BICDL1: variants seen among roughly 807,000 people sequenced by gnomAD.
The protein encoded by BICDL1 is BICD family like cargo adaptor 1, also known as BICD family-like cargo adapter 1.
A neutral mutation model predicts 76.8 loss-of-function variants in BICDL1; 20 were observed. That is an observed-to-expected ratio of 0.26 (90% CI 0.18 to 0.38). BICDL1 has a LOEUF of 0.38. BICDL1 is among the 10% of genes least tolerant of loss of function. BICDL1 has a pLI of 1.00. For missense variants in BICDL1, 700 were observed against 798.6 expected, an observed-to-expected ratio of 0.88 and a Z score of 1.49; for synonymous variants, 383 against 337.1, an observed-to-expected ratio of 1.14 and a Z score of -1.49.
intron 3 of BICDL1, among the ~76,000 whole-genome samples, chr12:120,062,696 G>A (rs780072669): frequency 6.6e-6 from 1 of 152,114 alleles, no homozygotes; most frequent in Non-Finnish European, 1.5e-5. Flanking sequence ...CTTTTCTCCT[G>A]CCTCCTATTC....
At chr12:120,083,079 T>C (rs916908780) in intron 8 of BICDL1, among the ~76,000 whole-genome samples, 1 of 151,680 alleles carries the variant, frequency 6.6e-6, no homozygotes, top group African/African-American at 2.4e-5. Flanking sequence ...GCCAGGCTAC[T>C]CTCGAACTCC....
chr12:120,066,241 A>G (rs1326378840), intron 4 of BICDL1, among the ~76,000 whole-genome samples: 2 of 152,196 alleles, frequency 1.3e-5, no homozygotes, highest in Admixed American at 1.3e-4. Context: ...GCTCAGTGAT[A>G]ACTTCTTGGT....
intron 2 of BICDL1, among the ~76,000 whole-genome samples, chr12:120,001,762 A>G (rs60590470): frequency 0.056 from 8,484 of 150,636 alleles, 471 homozygotes; most frequent in African/African-American, 0.14. Context: ...AAAGGGTACA[A>G]TTTGGGGCTT....
intron 2 of BICDL1, among the ~76,000 whole-genome samples, chr12:120,047,991 T>TA (rs899837141): frequency 9.9e-5 from 15 of 151,994 alleles, no homozygotes; most frequent in South Asian, 6.2e-4. Flanking sequence ...AAAAATAAAA[T>TA]AAAAAAAACA....
Position 120,094,234 on chromosome 12 carries a change from G to A in BICDL1, c.*1073G>A, listed in dbSNP as rs1433672039. The A allele has an allele frequency of 4.4e-6, 2 of 456,644 alleles. No individual in the cohort carries two copies. The highest frequency in any genetic ancestry group is 8.8e-6 in the Non-Finnish European group (2 of 226,976). 28.3% of individuals were successfully genotyped at this position (456,644 alleles called of 1,614,324 possible). On this transcript the variant is annotated 3_prime_UTR_variant, in exon 10 of 10. Transcript: ENST00000548673. ...ACTCAGAGGCTCCGCGGCCCGGCCA[G>A]CCCTCAGCTGCTCACAACCGATTCA...
At chr12:120,081,371 G>GTTTT (rs1873974789) in intron 8 of BICDL1, among the ~76,000 whole-genome samples, 8 of 104,168 alleles carry the variant, frequency 7.7e-5, no homozygotes, top group South Asian at 3.3e-4. Flanking sequence ...TTTTTTTTGA[G>GTTTT]ACGGAGTTTT....
intron 2 of BICDL1, among the ~76,000 whole-genome samples, chr12:120,044,713 T>G (rs1437306038): frequency 5.9e-5 from 9 of 152,118 alleles, no homozygotes; most frequent in African/African-American, 2.2e-4. Context: ...GATCAGATAG[T>G]TGTAGATATG....
chr12:120,022,410 A>T (rs985843881), intron 2 of BICDL1, among the ~76,000 whole-genome samples: 75 of 146,936 alleles, frequency 5.1e-4, no homozygotes, highest in Non-Finnish European at 9.0e-4. Context: ...AAAAATATAT[A>T]TTTATATATA....
rs186265270 is a variant in BICDL1 at position 120,086,884 on chromosome 12, G to C, written c.1584-3067G>C. On this transcript the variant is annotated intron_variant, in intron 8 of 9. Transcript: ENST00000548673. ...TTCCTTGGTGAGCAAATGTCCCAAC[G>C]GTGCAGCGCGTGGCCAGGATTGGAG... Among the ~76,000 whole-genome samples the C allele has an allele frequency of 7.0e-4, 106 of 152,334 alleles. 1 individual carries two copies. Among genetic ancestry groups the C allele is most frequent in the Non-Finnish European group, 1.2e-3 (81 of 68,022 alleles).
Position 120,072,672 on chromosome 12 carries a change from T to C in BICDL1, c.1251T>C (p.Thr417=), listed in dbSNP as rs1261724397. Residue 417 remains threonine, a synonymous_variant, in exon 6 of 10, where the codon ACT becomes ACC. Transcript: ENST00000548673. ...AKDVPAGSLR[T]ALNELKRLIQ... ...ATGTGCCAGCCGGCAGCTTGCGCACTGCCCTCAATGAGCTCAAGAGACTGA... is the reference window on the plus strand; with the variant it reads ...ATGTGCCAGCCGGCAGCTTGCGCACCGCCCTCAATGAGCTCAAGAGACTGA... 2 of 1,614,086 alleles carry C rather than the reference T, an allele frequency of 1.2e-6. No homozygotes were observed. Among genetic ancestry groups the C allele is most frequent in the Non-Finnish European group, 1.7e-6 (2 of 1,180,042 alleles).
intron 4 of BICDL1, among the ~76,000 whole-genome samples, chr12:120,065,973 G>A (rs1186126742): frequency 6.6e-6 from 1 of 152,184 alleles, no homozygotes; most frequent in Non-Finnish European, 1.5e-5. Flanking sequence ...ATTAATAGTA[G>A]TACCTCAGTC....
intron 7 of BICDL1, chr12:120,080,659 T>A: frequency 2.5e-6 from 1 of 403,240 alleles, no homozygotes; most frequent in Non-Finnish European, 4.7e-6. Flanking sequence ...CAGAGCTAAA[T>A]TCCCCCCAGC....
chr12:120,077,981 C>T (rs1045594825), intron 7 of BICDL1, among the ~76,000 whole-genome samples: 1 of 152,218 alleles, frequency 6.6e-6, no homozygotes, highest in Non-Finnish European at 1.5e-5. Flanking sequence ...CTCTTGCCCC[C>T]TTTGCTTTAG....
At position 120,094,451 on chromosome 12, in the gene BICDL1, C is replaced by T. The variant is rs1359958191; in HGVS notation, c.*1290C>T. 1 of 318,082 alleles carries T rather than the reference C, an allele frequency of 3.1e-6. No individual in the cohort carries two copies. The highest frequency in any genetic ancestry group is 6.4e-6 in the Non-Finnish European group (1 of 156,982). The allele number at this position is 318,082 out of a possible 1,614,324, so 19.7% of individuals were successfully genotyped here. A position where few individuals can be genotyped will look rare whatever the true frequency, so the allele number is the denominator to read the frequency against. On this transcript the variant is annotated 3_prime_UTR_variant, in exon 10 of 10. Transcript: ENST00000548673. Reference sequence around the variant, plus strand: ...TTAGAAAAACAGCACACCACTGCTTCTTTTGAAAATAGTCTGAATAAGAAT... The same window carrying T: ...TTAGAAAAACAGCACACCACTGCTTTTTTTGAAAATAGTCTGAATAAGAAT...
Position 119,990,152 on chromosome 12 carries a change from A to G in BICDL1, c.284A>G (p.Gln95Arg). 1 of 1,551,332 alleles carries G rather than the reference A, an allele frequency of 6.4e-7. No homozygotes were observed. Among genetic ancestry groups the G allele is most frequent in the Non-Finnish European group, 8.7e-7 (1 of 1,147,522 alleles). The part of the protein sequence containing the change: ...EGAGPQPPPS[Q>R]DPELLSVIRQ... ...GCCGGACCGCAGCCGCCGCCCTCCC[A>G]GGACCCCGAGCTGCTGTCGGTGATC... Residue 95 changes from glutamine (Q) to arginine (R), a missense_variant, in exon 1 of 10, where the codon CAG becomes CGG. Transcript: ENST00000548673.
chr12:119,994,218 G>A (rs953618407), intron 1 of BICDL1, among the ~76,000 whole-genome samples: 2 of 151,964 alleles, frequency 1.3e-5, no homozygotes, highest in African/African-American at 4.8e-5. Flanking sequence ...GTCCAGTACT[G>A]TTTTTTTAAG....
chr12:120,047,315 CTATT>C (rs1403507992), intron 2 of BICDL1, among the ~76,000 whole-genome samples: 2 of 152,146 alleles, frequency 1.3e-5, no homozygotes, highest in Non-Finnish European at 1.5e-5. Context: ...CAATATCTGA[CTATT>C]TGTTTTTGAC....
intron 2 of BICDL1, among the ~76,000 whole-genome samples, chr12:120,025,195 C>T (rs1043070243): frequency 5.3e-5 from 8 of 151,874 alleles, no homozygotes; most frequent in South Asian, 2.1e-4. Flanking sequence ...GGACTACAGG[C>T]GCCCGCCACC....
intron 8 of BICDL1, among the ~76,000 whole-genome samples, chr12:120,086,501 G>T (rs1874427601): frequency 6.6e-6 from 1 of 152,164 alleles, no homozygotes; most frequent in Non-Finnish European, 1.5e-5. Context: ...GGTCAGTTGG[G>T]TGGGGCCCAC....
Sources: gnomAD v4.1 joint callset for allele counts (sites outside exome capture counted in the v4.1 genomes callset) on GRCh38, gnomAD v4.1.1 for gene constraint, MANE v1.5 for transcripts, NCBI Gene and HGNC (gene_info 2026-07-23, HGNC 2026-07-21) for gene names.